Variants in CNTFR observed in about 807,000 individuals in gnomAD.
The protein encoded by CNTFR is ciliary neurotrophic factor receptor.
Under a neutral mutation model 40.4 loss-of-function variants are expected in CNTFR, and 12 were observed. The observed-to-expected ratio is 0.30, with a 90% CI of 0.19 to 0.48. The LOEUF is 0.48. Among genes scored for constraint, CNTFR ranks in the 20% least tolerant of loss-of-function variants. CNTFR has a pLI of 0.99. For missense variants in CNTFR, 414 were observed against 506.8 expected (o/e 0.82, Z 1.76); for synonymous variants, 202 against 209.6 (o/e 0.96, Z 0.31).
chr9:34,556,348 C>T lies in CNTFR; in HGVS notation c.675G>A (p.Thr225=), dbSNP rs541755399. 7 of 1,613,932 alleles carry T rather than the reference C, an allele frequency of 4.3e-6. No individual in the cohort carries two copies. The highest frequency in any genetic ancestry group is 3.3e-5 in the South Asian group (3 of 91,078). The part of the protein sequence containing the change: ...VPSNPRRLEV[T]WQTPSTWPDP... ...CAGGCCAGGTCGAGGGGGTCTGCCA[C>T]GTCACCTCCAGCCGGCGAGGGTTGC... The change falls in exon 7 of 10, where the codon ACG becomes ACA. Residue 225 remains threonine, a synonymous_variant. Coordinates refer to ENST00000378980, the MANE Select transcript of CNTFR (RefSeq NM_147164.3).
intron 2 of CNTFR, among the ~76,000 whole-genome samples, chr9:34,574,141 G>C (rs148778217): frequency 0.041 from 6,224 of 152,050 alleles, 209 homozygotes; most frequent in South Asian, 0.064. Context: ...CTTGGGGGGT[G>C]GGGGGACCAG....
chr9:34,558,008 A>G (rs1380859460), intron 4 of CNTFR, 24 bp from the exon 5 acceptor site: 2 of 1,495,916 alleles, frequency 1.3e-6, no homozygotes, highest in Non-Finnish European at 1.8e-6. Context: ...CAGTATGGTC[A>G]GGGCATTCTT....
rs1826213147 is a variant in CNTFR at position 34,564,792 on chromosome 9, C to T, written c.126G>A (p.Val42=). ...HVQYERLGSD[V]TLPCGTANWD... ...AGTTTGCTGTCCCACATGGCAGTGT[C>T]ACGTCAGAGCCCAGGCGCTCGTACT... Residue 42 remains valine, a synonymous_variant, in exon 4 of 10, where the codon GTG becomes GTA. Coordinates refer to ENST00000378980, the MANE Select transcript of CNTFR (RefSeq NM_147164.3). 1 of 1,613,832 alleles carries T rather than the reference C, an allele frequency of 6.2e-7. No homozygotes were observed. The highest frequency in any genetic ancestry group is 1.3e-5 in the African/African-American group (1 of 74,834).
chr9:34,578,873 T>C (rs918785335), intron 2 of CNTFR, among the ~76,000 whole-genome samples: 9 of 152,224 alleles, frequency 5.9e-5, no homozygotes, highest in Non-Finnish European at 1.2e-4. Context: ...GACAGTGCAA[T>C]GCCACCCGTC....
intron 4 of CNTFR, among the ~76,000 whole-genome samples, chr9:34,559,621 T>G (rs946087674): frequency 6.7e-6 from 1 of 148,896 alleles, no homozygotes. Flanking sequence ...TGCCTGGGGG[T>G]GGGGTGGGGG....
In CNTFR at chr9:34,552,574, G is replaced by T; in HGVS notation, c.949+100C>A. On this transcript the variant is annotated intron_variant, in intron 8 of 9. Transcript: ENST00000378980. This position sits in a 1 kb window ranked among gnomAD's most constrained non-coding sequence, Gnocchi z 5.1. Reference sequence around the variant, plus strand: ...ACAGGCAGAAGTGTGGCTACCCCCGGGAGCAGAGGCTGGAGGCAGCAGGGT... The same window carrying T: ...ACAGGCAGAAGTGTGGCTACCCCCGTGAGCAGAGGCTGGAGGCAGCAGGGT... The T allele has an allele frequency of 7.7e-7, 1 of 1,299,258 alleles. No homozygotes were observed. Among genetic ancestry groups the T allele is most frequent in the Non-Finnish European group, 1.0e-6 (1 of 959,442 alleles). The allele number at this position is 1,299,258 out of a possible 1,614,324, so 80.5% of individuals were successfully genotyped here.
intron 3 of CNTFR, among the ~76,000 whole-genome samples, chr9:34,565,309 G>C (rs890610738): frequency 4.6e-5 from 7 of 151,744 alleles, no homozygotes; most frequent in Admixed American, 1.3e-4. Flanking sequence ...CTCCTTTTTC[G>C]GTCTCCTTAT....
At chr9:34,588,695 GGGGGA>G (rs1564079174) in intron 1 of CNTFR, among the ~76,000 whole-genome samples, 1 of 152,190 alleles carries the variant, frequency 6.6e-6, no homozygotes, top group African/African-American at 2.4e-5. Context: ...GCTACTGGAG[GGGGGA>G]GGGGGACAAG....
At chr9:34,555,101 T>C (rs938041129) in intron 7 of CNTFR, among the ~76,000 whole-genome samples, 2 of 152,168 alleles carry the variant, frequency 1.3e-5, no homozygotes, top group Admixed American at 6.5e-5. Context: ...GCAAGGCGTG[T>C]GCGCCGCGAC....
chr9:34,559,726 G>C (rs1028952543), intron 4 of CNTFR, among the ~76,000 whole-genome samples: 1 of 152,118 alleles, frequency 6.6e-6, no homozygotes, highest in Admixed American at 6.5e-5. Flanking sequence ...GAGGTCGGCC[G>C]AGAAGCCTCC....
At chr9:34,582,394 T>C (rs1239225029) in intron 1 of CNTFR, 2 of 151,862 alleles carry the variant, frequency 1.3e-5, no homozygotes, top group Non-Finnish European at 2.9e-5. Flanking sequence ...CAACTGGTAG[T>C]TGGTAAAGGA....
At chr9:34,553,663 T>G (rs1825722718) in intron 7 of CNTFR, among the ~76,000 whole-genome samples, 2 of 152,026 alleles carry the variant, frequency 1.3e-5, no homozygotes, top group Admixed American at 1.3e-4. Flanking sequence ...GGACAGCTGC[T>G]CCATTTCCTC....
chr9:34,574,884 G>T (rs564211427), intron 2 of CNTFR, among the ~76,000 whole-genome samples: 1 of 152,356 alleles, frequency 6.6e-6, no homozygotes, highest in Non-Finnish European at 1.5e-5. Context: ...GCCCTCCCAT[G>T]ATGGGCCTGG....
intron 4 of CNTFR, among the ~76,000 whole-genome samples, chr9:34,564,177 C>T (rs572940672): frequency 3.3e-5 from 5 of 152,306 alleles, no homozygotes; most frequent in African/African-American, 1.2e-4. Context: ...CTTGCCTGTA[C>T]CTGCATAACC....
intron 4 of CNTFR, among the ~76,000 whole-genome samples, 172 bp from the exon 5 acceptor site, chr9:34,558,156 G>C (rs548926826): frequency 6.2e-4 from 94 of 152,276 alleles, no homozygotes; most frequent in Middle Eastern, 3.4e-3. Flanking sequence ...GGCCACAAGA[G>C]CCAGATGTTT....
chr9:34,588,563 T>A (rs1484104776), intron 1 of CNTFR, among the ~76,000 whole-genome samples: 1 of 152,068 alleles, frequency 6.6e-6, no homozygotes, highest in African/African-American at 2.4e-5. Context: ...ACACACCCAA[T>A]GTTGCAGACA....
At position 34,552,166 on chromosome 9, in the gene CNTFR, C is replaced by CAAG. The variant is rs1564054853; in HGVS notation, c.1110_1112dup (p.Leu370_Leu371insPhe). 1.3e-6 allele frequency: 2 copies of CAAG among 1,596,994 alleles called. No homozygotes were observed. Among genetic ancestry groups the CAAG allele is most frequent in the Admixed American group, 1.7e-5 (1 of 57,436 alleles). On this transcript the variant is annotated inframe_insertion, in exon 9 of 10. Transcript: ENST00000378980. This position sits in a 1 kb window ranked among gnomAD's most constrained non-coding sequence, Gnocchi z 5.1. The stretch of plus-strand genomic sequence containing the variant: ...CCCAGCCTCACTCAACCTACCAGAT[C>CAAG]AAGAGACTGCTGGCAGTGGCGGCAG...
chr9:34,557,503 G>GTC lies in CNTFR; in HGVS notation c.604+21_604+22dup. The GTC allele has an allele frequency of 6.2e-7, 1 of 1,607,716 alleles. No homozygotes were observed. Among genetic ancestry groups the GTC allele is most frequent in the Non-Finnish European group, 8.5e-7 (1 of 1,174,728 alleles). ...ACATTCCCACTGGAGTAGGCAGCAG[G>GTC]TCCCCCCAACCGCCACACGTACCAA... On this transcript the variant is annotated intron_variant, in intron 6 of 9. Coordinates refer to ENST00000378980, the MANE Select transcript of CNTFR (RefSeq NM_147164.3). This position sits in a 1 kb window ranked among gnomAD's most constrained non-coding sequence, Gnocchi z 4.2.
chr9:34,579,364 T>C (rs892587302), intron 2 of CNTFR, among the ~76,000 whole-genome samples: 6 of 151,798 alleles, frequency 4.0e-5, no homozygotes, highest in African/African-American at 7.3e-5. Context: ...CTTGGCAGCG[T>C]TGGGCGTTTT....
Sources: allele counts gnomAD v4.1 joint callset (sites outside exome capture counted in the v4.1 genomes callset), GRCh38; gene constraint gnomAD v4.1.1; non-coding constraint Gnocchi (gnomAD v3.1); transcripts MANE v1.5; gene names NCBI Gene and HGNC (gene_info 2026-07-23, HGNC 2026-07-21).